ABCC11: variants seen among roughly 807,000 people sequenced by gnomAD.
ABCC11 encodes the protein ATP binding cassette subfamily C member 11.
Under a neutral mutation model 149.3 loss-of-function variants are expected in ABCC11, and 135 were observed. That is an observed-to-expected ratio of 0.90 (90% confidence interval 0.79 to 1.04). The LOEUF is 1.04. Among genes scored for constraint, ABCC11 ranks in the 50% least tolerant of loss-of-function variants. ABCC11 has a pLI of 0.00. For synonymous variants in ABCC11, 665 were observed against 671.4 expected (o/e 0.99, Z 0.15); for missense variants, 1,680 against 1,722.1 (o/e 0.98, Z 0.43).
At chr16:48,243,102 T>TAAA (rs56708623) in intron 1 of ABCC11, among the ~76,000 whole-genome samples, 6 of 142,980 alleles carry the variant, frequency 4.2e-5, no homozygotes, top group Non-Finnish European at 7.7e-5. Flanking sequence ...ATCAAGGTTG[T>TAAA]AAAAAAAAAA....
chr16:48,245,923 T>C (rs1276367226), intron 1 of ABCC11, among the ~76,000 whole-genome samples: 1 of 152,146 alleles, frequency 6.6e-6, no homozygotes, highest in African/African-American at 2.4e-5. Context: ...GGAGGTGTTG[T>C]GTTTTCAGTT....
At chr16:48,236,491 G>T (rs772955192) in intron 1 of ABCC11, among the ~76,000 whole-genome samples, 3 of 152,094 alleles carry the variant, frequency 2.0e-5, no homozygotes, top group South Asian at 2.1e-4. Flanking sequence ...ATACCTCATT[G>T]AATGTAAGCT....
chr16:48,205,841 C>T (rs1223973521), intron 12 of ABCC11, among the ~76,000 whole-genome samples: 3 of 149,086 alleles, frequency 2.0e-5, no homozygotes, highest in East Asian at 1.9e-4. Flanking sequence ...GACGGAGTCT[C>T]GCTCTGTCGC....
At chr16:48,236,790 C>T (rs1003656682) in intron 1 of ABCC11, among the ~76,000 whole-genome samples, 1 of 152,220 alleles carries the variant, frequency 6.6e-6, no homozygotes, top group African/African-American at 2.4e-5. Context: ...CCTATTCCCA[C>T]ACCACACCAC....
chr16:48,203,129 G>A (rs1026316210), intron 14 of ABCC11, 99 bp downstream of exon 14: 37 of 1,299,182 alleles, frequency 2.8e-5, no homozygotes, highest in Non-Finnish European at 3.9e-5. Flanking sequence ...ACTGCTTTGG[G>A]AGGAAGAGCT....
intron 27 of ABCC11, among the ~76,000 whole-genome samples, chr16:48,170,447 C>A (rs1596650327): frequency 6.6e-6 from 1 of 152,132 alleles, no homozygotes; most frequent in Non-Finnish European, 1.5e-5. Context: ...TCATCGGCTG[C>A]CCCTCAGTTC....
Position 48,178,591 on chromosome 16 carries a change from C to G in ABCC11, c.3348+6G>C. On this transcript the variant is annotated splice_donor_region_variant and intron_variant, in intron 24 of 29. Coordinates refer to ENST00000356608, the MANE Select transcript of ABCC11 (RefSeq NM_001370497.1). ...TCCCCACACCAGACCCAGACCTGAA[C>G]CCCACCTTCATGTACTGCAGTATCC... is the stretch of plus-strand genomic sequence containing the variant. The G allele has an allele frequency of 6.2e-7, 1 of 1,613,962 alleles. No homozygotes were observed. The highest frequency in any genetic ancestry group is 8.5e-7 in the Non-Finnish European group (1 of 1,179,898).
chr16:48,188,862 T>C (rs1648982933), intron 20 of ABCC11, among the ~76,000 whole-genome samples: 1 of 152,204 alleles, frequency 6.6e-6, no homozygotes, highest in Admixed American at 6.5e-5. Flanking sequence ...TAGAAATGAA[T>C]AGAAGCCAAT....
rs370615101 is a variant in ABCC11 at position 48,170,223 on chromosome 16, G to A, written c.3778-5C>T. 4.1e-5 allele frequency: 66 copies of A among 1,607,420 alleles called. No individual in the cohort carries two copies. Among genetic ancestry groups the A allele is most frequent in the Middle Eastern group, 1.6e-4 (1 of 6,076 alleles). On this transcript the variant is annotated splice_region_variant and splice_polypyrimidine_tract_variant and intron_variant, in intron 27 of 29. Coordinates refer to ENST00000356608, the MANE Select transcript of ABCC11 (RefSeq NM_001370497.1). Reference sequence around the variant, plus strand: ...CTTTTTGGGGAACTTTGAGATCTGCGATATGGGAAGAAGAGACAACATAAC... The same window carrying A: ...CTTTTTGGGGAACTTTGAGATCTGCAATATGGGAAGAAGAGACAACATAAC...
chr16:48,213,776 C>T (rs1969114205), intron 9 of ABCC11, among the ~76,000 whole-genome samples: 1 of 152,222 alleles, frequency 6.6e-6, no homozygotes, highest in Non-Finnish European at 1.5e-5. Context: ...TAGCCACTGA[C>T]ATCTCTAGCT....
At chr16:48,198,905 C>T (rs925317180) in intron 15 of ABCC11, among the ~76,000 whole-genome samples, 3 of 151,796 alleles carry the variant, frequency 2.0e-5, no homozygotes, top group Admixed American at 6.6e-5. Flanking sequence ...GGTGTGGTGG[C>T]GTGTGCCTGT....
Position 48,213,431 on chromosome 16 carries a change from C to T in ABCC11, c.1356+12G>A. The T allele has an allele frequency of 6.2e-7, 1 of 1,608,052 alleles. No individual in the cohort carries two copies. Among genetic ancestry groups the T allele is most frequent in the African/African-American group, 1.3e-5 (1 of 74,792 alleles). On this transcript the variant is annotated intron_variant, in intron 10 of 29. Transcript: ENST00000356608. Reference sequence around the variant, plus strand: ...AAGCAGGGGGCCTACAGCCAGTCCCCTGATGACCTACCTTGAACCTCATCA... The same window carrying T: ...AAGCAGGGGGCCTACAGCCAGTCCCTTGATGACCTACCTTGAACCTCATCA...
At chr16:48,208,103 A>G (rs754145681) in intron 12 of ABCC11, among the ~76,000 whole-genome samples, 7 of 151,634 alleles carry the variant, frequency 4.6e-5, no homozygotes, top group Non-Finnish European at 8.8e-5. Context: ...ACTAGACTCA[A>G]CTCTCTGTGA....
chr16:48,170,847 G>A (rs765954444), intron 27 of ABCC11, 42 bp downstream of exon 27: 20 of 1,561,992 alleles, frequency 1.3e-5, no homozygotes, highest in Admixed American at 1.0e-4. Flanking sequence ...CCCCATGGGC[G>A]ATGCAGACTT....
chr16:48,243,993 G>GAATAAATAAATAAATA (rs748559863), intron 1 of ABCC11, among the ~76,000 whole-genome samples: 8,803 of 150,864 alleles, frequency 0.058, 262 homozygotes, highest in Middle Eastern at 0.079. Context: ...ATCTGTCTCA[G>GAATAAATAAATAAATA]AATAAATAAA....
At chr16:48,178,516 G>C in intron 24 of ABCC11, 81 bp downstream of exon 24, 2 of 1,336,608 alleles carry the variant, frequency 1.5e-6, no homozygotes, top group Non-Finnish European at 2.1e-6. Context: ...GGGCTCTGAG[G>C]CCAGTGGGGC....
rs1163272968 is a variant in ABCC11 at position 48,200,360 on chromosome 16, G to A, written c.1998C>T (p.Ala666=). The A allele has an allele frequency of 6.2e-7, 1 of 1,614,234 alleles. No individual in the cohort carries two copies. Residue 666 remains alanine (A), a synonymous_variant, in exon 15 of 30, where the codon GCC becomes GCT. Transcript: ENST00000356608. ...CCTCAAAAATGTGCTTCCCCACGTG[G>A]GCGTCCACAGCAGACAGGGGGTCGT... ...LLDDPLSAVD[A]HVGKHIFEEC...
Position 48,201,770 on chromosome 16 carries a change from G to C in ABCC11, c.1879-1291C>G, listed in dbSNP as rs1304412618. The stretch of plus-strand genomic sequence containing the variant: ...GACGCTGGAAGGACCATCTCACACG[G>C]CACCTGCTGTGATAGGAGTTGAGGG... On this transcript the variant is annotated intron_variant, in intron 14 of 29. Transcript: ENST00000356608. Among the ~76,000 whole-genome samples the C allele has an allele frequency of 3.3e-5, 5 of 152,320 alleles. No individual in the cohort carries two copies. The East Asian group carries it at 9.7e-4, about 29-fold the overall frequency.
intron 1 of ABCC11, among the ~76,000 whole-genome samples, chr16:48,243,879 C>T (rs1971155537): frequency 1.3e-5 from 2 of 152,110 alleles, no homozygotes; most frequent in Non-Finnish European, 1.5e-5. Flanking sequence ...GTAATCCCAG[C>T]TACTCGGGAG....
Sources: allele counts gnomAD v4.1 joint callset (sites outside exome capture counted in the v4.1 genomes callset), GRCh38; gene constraint gnomAD v4.1.1; transcripts MANE v1.5; gene names NCBI Gene and HGNC (gene_info 2026-07-23, HGNC 2026-07-21).